Variants in L3MBTL3 observed in about 807,000 individuals in gnomAD.
L3MBTL3 encodes lethal(3)malignant brain tumor-like protein 3.
A neutral mutation model predicts 102.3 loss-of-function variants in L3MBTL3; 27 were observed. The observed-to-expected ratio is 0.26, with a 90% CI of 0.19 to 0.36. The LOEUF is 0.36. Ranked by LOEUF, L3MBTL3 falls within the 10% of genes least tolerant of loss-of-function variation. L3MBTL3 has a pLI of 1.00. For missense variants in L3MBTL3, 798 were observed against 955.3 expected, an observed-to-expected ratio of 0.84 and a Z score of 2.17; for synonymous variants, 340 against 320.9, an observed-to-expected ratio of 1.06 and a Z score of -0.64.
intron 2 of L3MBTL3, among the ~76,000 whole-genome samples, chr6:130,027,897 T>C (rs1779455485): frequency 6.6e-6 from 1 of 152,142 alleles, no homozygotes; most frequent in African/African-American, 2.4e-5. Context: ...TTTCTATTAT[T>C]ACCCTTCTAG....
chr6:130,072,173 T>TA (rs1414207815), intron 13 of L3MBTL3, among the ~76,000 whole-genome samples: 1 of 151,564 alleles, frequency 6.6e-6, no homozygotes, highest in Non-Finnish European at 1.5e-5. Flanking sequence ...ATAAAAATAA[T>TA]ACAAATACAA....
At position 130,060,136 on chromosome 6, in the gene L3MBTL3, C is replaced by T. The variant is rs377627906; in HGVS notation, c.860C>T (p.Ala287Val). 5.0e-5 allele frequency: 79 copies of T among 1,578,968 alleles called. No homozygotes were observed. Among genetic ancestry groups the T allele is most frequent in the Non-Finnish European group, 6.1e-5 (71 of 1,157,210 alleles). The change falls in exon 10 of 23, where the codon GCG becomes GTG. Residue 287 changes from alanine to valine, a missense_variant. This residue lies in a region of L3MBTL3 where 434 missense variants were observed against 506.6 expected (regional missense o/e 0.86). Coordinates refer to ENST00000361794, the MANE Select transcript of L3MBTL3 (RefSeq NM_032438.4). ...TCTGTGTACTGTGTCCTCACCGTCG[C>T]GGAGGTAAGCTTTGCCTCGTCCTTT... ...HQSVYCVLTV[A>V]EVCGYRIKLH... is the part of the protein sequence containing the mutation.
At chr6:130,083,401 A>G (rs1783488394) in intron 14 of L3MBTL3, among the ~76,000 whole-genome samples, 1 of 151,856 alleles carries the variant, frequency 6.6e-6, no homozygotes, top group Non-Finnish European at 1.5e-5. Context: ...TAAATTATAT[A>G]TATCTATAAA....
At chr6:130,064,658 G>C (rs1475981990) in intron 10 of L3MBTL3, among the ~76,000 whole-genome samples, 1 of 152,180 alleles carries the variant, frequency 6.6e-6, no homozygotes, top group Admixed American at 6.5e-5. Flanking sequence ...CCATGGTGTG[G>C]TGGGAGGCAG....
intron 10 of L3MBTL3, among the ~76,000 whole-genome samples, chr6:130,064,031 C>T (rs910128302): frequency 6.6e-5 from 10 of 152,176 alleles, no homozygotes; most frequent in African/African-American, 2.4e-4. Context: ...AAGTAGATGA[C>T]TTCACAAACG....
rs1187337267 is a variant in L3MBTL3 at position 130,139,879 on chromosome 6, A to G, written c.*126A>G. On this transcript the variant is annotated 3_prime_UTR_variant, in exon 23 of 23. Coordinates refer to ENST00000361794, the MANE Select transcript of L3MBTL3 (RefSeq NM_032438.4). ...CTCAAAAGAGCAACACTATCGGATT[A>G]TTTATATTACTCAAGAGACAATATA... is the stretch of plus-strand genomic sequence containing the variant. 2 of 810,580 alleles carry G rather than the reference A, an allele frequency of 2.5e-6. No homozygotes were observed. Among genetic ancestry groups the G allele is most frequent in the Non-Finnish European group, 2.0e-6 (1 of 508,036 alleles). 50.2% of individuals were successfully genotyped at this position (810,580 alleles called of 1,614,324 possible). A position where few individuals can be genotyped will look rare whatever the true frequency, so the allele number is the denominator to read the frequency against.
At chr6:130,084,661 G>A (rs950701482) in intron 15 of L3MBTL3, among the ~76,000 whole-genome samples, 20 of 152,130 alleles carry the variant, frequency 1.3e-4, no homozygotes, top group Middle Eastern at 3.2e-3. Context: ...TGTCTGATGC[G>A]AAGCAGAGCT....
chr6:130,111,541 C>T (rs781482232), intron 19 of L3MBTL3, among the ~76,000 whole-genome samples: 2 of 152,226 alleles, frequency 1.3e-5, no homozygotes, highest in African/African-American at 2.4e-5. Context: ...CCAGGCAGTC[C>T]CCAGAATGAG....
intron 1 of L3MBTL3, among the ~76,000 whole-genome samples, chr6:130,021,980 C>T (rs569046526): frequency 6.6e-6 from 1 of 152,144 alleles, no homozygotes; most frequent in Non-Finnish European, 1.5e-5. Context: ...TTTCACCTGC[C>T]TGTCATATAC....
chr6:130,120,149 G>A (rs538131096), intron 19 of L3MBTL3, among the ~76,000 whole-genome samples: 4 of 152,146 alleles, frequency 2.6e-5, no homozygotes, highest in African/African-American at 9.6e-5. Context: ...TGCAAAATGG[G>A]GTTTATTGTG....
At chr6:130,059,179 C>T (rs1267707325) in intron 9 of L3MBTL3, among the ~76,000 whole-genome samples, 1 of 152,134 alleles carries the variant, frequency 6.6e-6, no homozygotes, top group African/African-American at 2.4e-5. Flanking sequence ...TCTCTTATAG[C>T]CCTGCCCCCC....
At chr6:130,101,032 G>A (rs1344369820) in intron 18 of L3MBTL3, among the ~76,000 whole-genome samples, 2 of 152,202 alleles carry the variant, frequency 1.3e-5, no homozygotes, top group Non-Finnish European at 2.9e-5. Flanking sequence ...TCGAGGAATA[G>A]CTTGCATACA....
chr6:130,062,959 TC>T (rs1781998530), intron 10 of L3MBTL3, among the ~76,000 whole-genome samples: 1 of 150,970 alleles, frequency 6.6e-6, no homozygotes, highest in Non-Finnish European at 1.5e-5. Context: ...CTTTTTTCTC[TC>T]CCTCCCTCCC....
chr6:130,086,150 A>G lies in L3MBTL3; in HGVS notation c.1418A>G (p.His473Arg). The G allele has an allele frequency of 6.2e-7, 1 of 1,611,818 alleles. No homozygotes were observed. Among genetic ancestry groups the G allele is most frequent in the Non-Finnish European group, 8.5e-7 (1 of 1,178,644 alleles). The part of the protein sequence containing the change: ...PARAFKVKPP[H>R]GFQKKMKLEV... ...TTTTTTTTGTGGCAGAAACCTCCTC[A>G]TGGATTCCAGAAAAAAATGAAGCTT... Residue 473 changes from histidine (H) to arginine (R), a missense_variant, in exon 16 of 23, where the codon CAT (histidine) becomes CGT (arginine). Around this residue, in one of 4 missense-constraint regions of L3MBTL3, gnomAD observed 306 missense variants for 314.4 expected, o/e 0.97. Transcript: ENST00000361794.
intron 10 of L3MBTL3, 88 bp downstream of exon 10, chr6:130,060,228 A>G: frequency 1.4e-6 from 1 of 726,396 alleles, no homozygotes; most frequent in Non-Finnish European, 2.3e-6. Context: ...GTTGTATTTC[A>G]TGCCAGGCAT....
chr6:130,024,764 C>T (rs899924584), intron 2 of L3MBTL3, among the ~76,000 whole-genome samples: 8 of 152,022 alleles, frequency 5.3e-5, no homozygotes, highest in Non-Finnish European at 1.2e-4. Context: ...AAGACGAGAT[C>T]CTTGCTCTTG....
At chr6:130,049,686 T>C in intron 4 of L3MBTL3, 70 bp from the exon 5 acceptor site, 14 of 1,601,898 alleles carry the variant, frequency 8.7e-6, no homozygotes, top group Non-Finnish European at 1.2e-5. Context: ...CCTGCCACTT[T>C]TTTTCTCATC....
At chr6:130,042,909 G>T (rs898318811) in intron 3 of L3MBTL3, 108 bp downstream of exon 3, 9 of 729,858 alleles carry the variant, frequency 1.2e-5, no homozygotes, top group Admixed American at 9.1e-5. Context: ...AATCATAGTG[G>T]TGTAGGTTTT....
At chr6:130,090,210 A>G (rs1006928767) in intron 16 of L3MBTL3, among the ~76,000 whole-genome samples, 1 of 152,108 alleles carries the variant, frequency 6.6e-6, no homozygotes, top group African/African-American at 2.4e-5. Context: ...ATATATATAT[A>G]TACTTTTACT....
Sources: allele counts gnomAD v4.1 joint callset (sites outside exome capture counted in the v4.1 genomes callset), GRCh38; gene constraint gnomAD v4.1.1; regional missense constraint gnomAD v4.1.1; transcripts MANE v1.5; gene names NCBI Gene and HGNC (gene_info 2026-07-23, HGNC 2026-07-21).